Variants in IL17RB observed in about 807,000 individuals in gnomAD.
IL17RB encodes interleukin-17 receptor B.
A neutral mutation model predicts 43.9 loss-of-function variants in IL17RB; 36 were observed. That is an observed-to-expected ratio of 0.82 (90% confidence interval 0.63 to 1.08). The LOEUF (loss-of-function observed/expected upper bound fraction) is 1.08. Among genes scored for constraint, IL17RB ranks in the 50% least tolerant of loss-of-function variants. The pLI is 0.00. For missense variants in IL17RB, 613 were observed against 613.6 expected (o/e 1.00, Z 0.01); for synonymous variants, 225 against 225.4 (o/e 1.00, Z 0.02).
intron 10 of IL17RB, 52 bp downstream of exon 10, chr3:53,860,280 A>AT (rs745396870): frequency 2.1e-4 from 311 of 1,470,354 alleles, no homozygotes; most frequent in Middle Eastern, 6.3e-4. Context: ...AACATTTTGA[A>AT]TTTTTTTTTA....
chr3:53,863,184 TAAGACTTCCA>T, intron 10 of IL17RB, among the ~76,000 whole-genome samples: 1 of 152,358 alleles, frequency 6.6e-6, no homozygotes, highest in South Asian at 2.1e-4. Context: ...ATGTTATTGG[TAAGACTTCCA>T]GTCAACAGTA....
At chr3:53,853,112 G>T in intron 5 of IL17RB, 115 bp downstream of exon 5, 2 of 1,184,712 alleles carry the variant, frequency 1.7e-6, no homozygotes, top group Non-Finnish European at 2.5e-6. Context: ...CTAAATCTCA[G>T]TTCCCTTATC....
At chr3:53,848,627 G>A (rs763873666) in intron 1 of IL17RB, 37 bp from the exon 2 acceptor site, 41 of 1,554,020 alleles carry the variant, frequency 2.6e-5, no homozygotes, top group South Asian at 3.4e-5. Context: ...GTGGTTTGCC[G>A]GCTTCAACGT....
intron 5 of IL17RB, among the ~76,000 whole-genome samples, chr3:53,854,413 A>G (rs1271417236): frequency 1.3e-5 from 2 of 152,140 alleles, no homozygotes. Flanking sequence ...TTCCAGTTGC[A>G]TTTAGTCCCT....
In IL17RB at chr3:53,848,341, C is replaced by T. The variant is rs372121638; in HGVS notation, c.61-323C>T. Among the ~76,000 whole-genome samples the T allele has an allele frequency of 2.6e-3, 392 of 152,380 alleles. 2 individuals are homozygous for T. The highest frequency in any genetic ancestry group is 8.3e-3 in the African/African-American group (346 of 41,596). On this transcript the variant is annotated intron_variant, in intron 1 of 10. Transcript: ENST00000288167. ...AACATTAGAGTGTGAAGGGGCCTCA[C>T]ATCGGTCCCAAGTCATCCCCTGCTT...
Position 53,856,851 on chromosome 3 carries a change from G to A in IL17RB, c.537G>A (p.Leu179=). The part of the protein sequence containing the change: ...YKKKCVKAGS[L]WDPNITACKK... ...TTCTCTCTCAACTCACAGGAAGCCT[G>A]TGGGATCCGAACATCACTGCTTGTA... is the stretch of plus-strand genomic sequence containing the variant. The change falls in exon 7 of 11, where the codon CTG becomes CTA. Residue 179 remains leucine (L), a synonymous_variant. Coordinates refer to ENST00000288167, the MANE Select transcript of IL17RB (RefSeq NM_018725.4). 1.2e-6 allele frequency: 2 copies of A among 1,614,162 alleles called. No individual in the cohort carries two copies. The highest frequency in any genetic ancestry group is 1.7e-6 in the Non-Finnish European group (2 of 1,180,012).
chr3:53,846,607 A>C lies in IL17RB; in HGVS notation c.19A>C (p.Ser7Arg), dbSNP rs745726083. 1.0e-5 allele frequency: 16 copies of C among 1,591,146 alleles called. 1 individual carries two copies. The South Asian group carries it at 1.8e-4, about 18-fold the overall frequency. Residue 7 changes from serine (S) to arginine (R), a missense_variant, in exon 1 of 11, where the codon AGC becomes CGC. Physicochemically the swap from Ser to Arg is moderately radical, Grantham distance 110. Coordinates refer to ENST00000288167, the MANE Select transcript of IL17RB (RefSeq NM_018725.4). MSLVLL[S>R]LAALCRSAVP... is the part of the protein sequence containing the mutation. Reference sequence around the variant, plus strand: ...CCCGGCGATGTCGCTCGTGCTGCTAAGCCTGGCCGCGCTGTGCAGGAGCGC... The same window carrying C: ...CCCGGCGATGTCGCTCGTGCTGCTACGCCTGGCCGCGCTGTGCAGGAGCGC...
chr3:53,857,677 GT>G lies in IL17RB; in HGVS notation c.735del (p.Ala246LeufsTer5). The G allele has an allele frequency of 6.2e-7, 1 of 1,614,084 alleles. No individual in the cohort carries two copies. The highest frequency in any genetic ancestry group is 8.5e-7 in the Non-Finnish European group (1 of 1,179,920). Reference protein sequence around the residue: ...VVIPVTGDSEGATVQLTPYFP... With the variant: ...VVIPVTGDSEXATVQLTPYFP... Reference sequence around the variant, plus strand: ...ATTCCAGTGACTGGGGATAGTGAAGGTGCTACGGTGCAGGTAAAGTTCAGTG... The same window carrying G: ...ATTCCAGTGACTGGGGATAGTGAAGGGCTACGGTGCAGGTAAAGTTCAGTG... On this transcript the variant is annotated frameshift_variant, in exon 8 of 11. Transcript: ENST00000288167. LOFTEE classifies it high-confidence loss of function.
intron 3 of IL17RB, among the ~76,000 whole-genome samples, chr3:53,850,129 G>A (rs1009578603): frequency 1.3e-5 from 2 of 152,230 alleles, no homozygotes; most frequent in African/African-American, 4.8e-5. Context: ...CTGTGTGCAT[G>A]CCTGCAGGCA....
chr3:53,863,670 G>T (rs929534648), intron 10 of IL17RB, among the ~76,000 whole-genome samples: 1 of 152,006 alleles, frequency 6.6e-6, no homozygotes, highest in African/African-American at 2.4e-5. Flanking sequence ...TTAACTTTGG[G>T]AACTATAAAG....
At chr3:53,851,633 G>A (rs955586432) in intron 3 of IL17RB, among the ~76,000 whole-genome samples, 5 of 152,188 alleles carry the variant, frequency 3.3e-5, no homozygotes, top group African/African-American at 9.7e-5. Context: ...GAGGGTCTTT[G>A]TGGGTCTCCC....
At chr3:53,857,132 G>A (rs2107017708) in intron 7 of IL17RB, 146 bp downstream of exon 7, 3 of 817,848 alleles carry the variant, frequency 3.7e-6, no homozygotes, top group East Asian at 2.4e-5. Flanking sequence ...ATCCTGAGAG[G>A]TGTCACTGTG....
At chr3:53,858,576 T>C (rs142978915) in intron 8 of IL17RB, 143 bp from the exon 9 acceptor site, 24,278 of 1,452,618 alleles carry the variant, frequency 0.017, 234 homozygotes, top group Non-Finnish European at 0.02. Flanking sequence ...TACAGATGTG[T>C]GACCAAGGGG....
intron 10 of IL17RB, chr3:53,860,459 A>G: frequency 2.7e-6 from 1 of 372,700 alleles, no homozygotes; most frequent in East Asian, 4.0e-5. Flanking sequence ...TCCCGTTTTT[A>G]TTTTTACCAT....
chr3:53,848,099 T>C (rs1258281405), intron 1 of IL17RB, among the ~76,000 whole-genome samples: 1 of 152,226 alleles, frequency 6.6e-6, no homozygotes, highest in Non-Finnish European at 1.5e-5. Context: ...CTTCAAACGA[T>C]TTAGTACCAG....
intron 6 of IL17RB, among the ~76,000 whole-genome samples, chr3:53,855,844 C>T (rs141800022): frequency 1.9e-4 from 29 of 152,338 alleles, no homozygotes; most frequent in Non-Finnish European, 3.4e-4. Flanking sequence ...AAGAGGATCA[C>T]TTTTCACAGG....
At chr3:53,846,800 C>A in intron 1 of IL17RB, 152 bp downstream of exon 1, 2 of 782,024 alleles carry the variant, frequency 2.6e-6, no homozygotes, top group South Asian at 3.8e-5. Context: ...CCCCGGACAT[C>A]GGCGTCAGGT....
At chr3:53,859,957 C>T in intron 9 of IL17RB, 173 bp from the exon 10 acceptor site, 2 of 507,482 alleles carry the variant, frequency 3.9e-6, no homozygotes, top group Non-Finnish European at 7.0e-6. Context: ...CTGCAGTGAA[C>T]CGAGATTGCG....
At chr3:53,854,605 G>A (rs1699266823) in intron 5 of IL17RB, among the ~76,000 whole-genome samples, 1 of 152,186 alleles carries the variant, frequency 6.6e-6, no homozygotes. Context: ...ATCCCATCAG[G>A]GGTCCATGGC....
Sources: allele counts gnomAD v4.1 joint callset (sites outside exome capture counted in the v4.1 genomes callset), GRCh38; gene constraint gnomAD v4.1.1; transcripts MANE v1.5; gene names NCBI Gene and HGNC (gene_info 2026-07-23, HGNC 2026-07-21).